NUS1: variants seen among roughly 807,000 people sequenced by gnomAD.
The protein encoded by NUS1 is dehydrodolichyl diphosphate synthase complex subunit NUS1.
For synonymous variants in NUS1, 135 were observed against 155.2 expected (o/e 0.87, Z 0.97); for missense variants, 292 against 382.9 (o/e 0.76, Z 1.98).
At chr6:117,689,548 T>G (rs1177372122) in intron 1 of NUS1, among the ~76,000 whole-genome samples, 1 of 151,426 alleles carries the variant, frequency 6.6e-6, no homozygotes, top group Non-Finnish European at 1.5e-5. Context: ...CATTTTTTTT[T>G]GTTTTGTTTT....
Position 117,682,302 on chromosome 6 carries a change from T to C in NUS1, c.415+6217T>C, listed in dbSNP as rs191834473. On this transcript the variant is annotated intron_variant, in intron 1 of 4. Coordinates refer to ENST00000368494, the MANE Select transcript of NUS1 (RefSeq NM_138459.5). Reference sequence around the variant, plus strand: ...GTTTAACTATAGTACTGGATCTGTGTATTAAAGTAAACCTTTGCTGAGTGT... The same window carrying C: ...GTTTAACTATAGTACTGGATCTGTGCATTAAAGTAAACCTTTGCTGAGTGT... Among the ~76,000 whole-genome samples the C allele has an allele frequency of 2.3e-3, 352 of 152,318 alleles. 3 individuals are homozygous for C. The highest frequency in any genetic ancestry group is 8.2e-3 in the African/African-American group (340 of 41,570).
At chr6:117,679,855 A>C (rs1003544583) in intron 1 of NUS1, among the ~76,000 whole-genome samples, 1 of 152,198 alleles carries the variant, frequency 6.6e-6, no homozygotes, top group Non-Finnish European at 1.5e-5. Context: ...TGCATCAAGA[A>C]AGTGGAGAAA....
Position 117,675,619 on chromosome 6 carries a change from G to C in NUS1, c.-52G>C. ...CCGCAGGGGCGGATAAAAAGCCGTC[G>C]CGCTGCGGGAGTGGGCGGGAGGGAG... On this transcript the variant is annotated 5_prime_UTR_variant, in exon 1 of 5. Coordinates refer to ENST00000368494, the MANE Select transcript of NUS1 (RefSeq NM_138459.5). The C allele has an allele frequency of 1.4e-6, 2 of 1,394,404 alleles. No homozygotes were observed. The highest frequency in any genetic ancestry group is 1.9e-6 in the Non-Finnish European group (2 of 1,028,012). The allele number at this position is 1,394,404 out of a possible 1,614,324, so 86.4% of individuals were successfully genotyped here.
Position 117,708,125 on chromosome 6 carries a change from G to C in NUS1, c.*1110G>C, listed in dbSNP as rs1170867086. On this transcript the variant is annotated 3_prime_UTR_variant, in exon 5 of 5. Coordinates refer to ENST00000368494, the MANE Select transcript of NUS1 (RefSeq NM_138459.5). ...TACTCAGTAAATCCTGATGGTTACT[G>C]TGTGTAAAATATCTTTAAGTAGGAT... 1 of 152,518 alleles carries C rather than the reference G, an allele frequency of 6.6e-6. No homozygotes were observed. Among genetic ancestry groups the C allele is most frequent in the African/African-American group, 2.4e-5 (1 of 41,474 alleles). The allele number at this position is 152,518 out of a possible 1,614,324, so 9.4% of individuals were successfully genotyped here.
At chr6:117,701,210 T>C (rs1773402739) in intron 3 of NUS1, among the ~76,000 whole-genome samples, 1 of 151,418 alleles carries the variant, frequency 6.6e-6, no homozygotes, top group South Asian at 2.1e-4. Flanking sequence ...TTCATGATCA[T>C]AGTATATTTC....
chr6:117,681,656 A>G (rs1437751937), intron 1 of NUS1, among the ~76,000 whole-genome samples: 9 of 152,224 alleles, frequency 5.9e-5, no homozygotes. Flanking sequence ...GACATACTGA[A>G]TAGTACAACC....
At chr6:117,693,991 GA>G (rs769002582) in intron 2 of NUS1, 39 bp from the exon 3 acceptor site, 2 of 1,586,806 alleles carry the variant, frequency 1.3e-6, no homozygotes, top group South Asian at 2.3e-5. Context: ...ATACCTGGAA[GA>G]GAGTGTTTTT....
intron 3 of NUS1, among the ~76,000 whole-genome samples, chr6:117,700,356 A>G (rs1773389417): frequency 6.6e-6 from 1 of 152,264 alleles, no homozygotes; most frequent in South Asian, 2.1e-4. Context: ...TCTCAAAAGA[A>G]TACATACAGA....
intron 1 of NUS1, among the ~76,000 whole-genome samples, chr6:117,691,112 T>C (rs1441040460): frequency 6.6e-5 from 10 of 152,128 alleles, no homozygotes; most frequent in Admixed American, 1.3e-4. Context: ...AAATCCTTTT[T>C]CCCCTCATCG....
intron 1 of NUS1, among the ~76,000 whole-genome samples, chr6:117,679,327 T>C (rs1773028648): frequency 6.6e-6 from 1 of 152,158 alleles, no homozygotes; most frequent in East Asian, 1.9e-4. Context: ...TGTGTGTGAA[T>C]GGGGATTTCC....
At chr6:117,679,532 G>C (rs1266146335) in intron 1 of NUS1, among the ~76,000 whole-genome samples, 1 of 152,200 alleles carries the variant, frequency 6.6e-6, no homozygotes. Flanking sequence ...TATTGACTTA[G>C]TTCAGTTGGG....
chr6:117,693,779 T>C (rs1411512162), intron 2 of NUS1, among the ~76,000 whole-genome samples: 1 of 152,214 alleles, frequency 6.6e-6, no homozygotes, highest in Non-Finnish European at 1.5e-5. Context: ...TCACAATGTA[T>C]AGTCATTCTG....
rs572493455 is a variant in NUS1, at chr6:117,709,290, T to C, written c.*2275T>C. The C allele has an allele frequency of 1.3e-5, 2 of 149,266 alleles. No individual in the cohort carries two copies. The highest frequency in any genetic ancestry group is 1.4e-4 in the Admixed American group (2 of 14,712). The allele number at this position is 149,266 out of a possible 1,614,324, so 9.2% of individuals were successfully genotyped here. On this transcript the variant is annotated 3_prime_UTR_variant, in exon 5 of 5. Transcript: ENST00000368494. ...TATTTGTATTGGAAAATACTGTCTT[T>C]AAATTGTTTCTTGTTGACACTCCCC...
In NUS1 at chr6:117,694,147, G is replaced by T; in HGVS notation, c.658G>T (p.Asp220Tyr). Residue 220 changes from aspartate (D) to tyrosine (Y), a missense_variant, in exon 3 of 5, where the codon GAT (aspartate) becomes TAT (tyrosine). Coordinates refer to ENST00000368494, the MANE Select transcript of NUS1 (RefSeq NM_138459.5). ...LVAQKQKRPTDLDVDTLASLL... is the reference protein window; with the variant it reads ...LVAQKQKRPTYLDVDTLASLL... ...AGCCCAGAAGCAAAAGAGACCCACA[G>T]ATTTGGATGTAGATACGTTAGCCAG... The T allele has an allele frequency of 6.2e-7, 1 of 1,610,294 alleles. No homozygotes were observed. The highest frequency in any genetic ancestry group is 8.5e-7 in the Non-Finnish European group (1 of 1,177,978).
At chr6:117,700,871 A>G (rs1048733236) in intron 3 of NUS1, among the ~76,000 whole-genome samples, 1 of 152,100 alleles carries the variant, frequency 6.6e-6, no homozygotes, top group Non-Finnish European at 1.5e-5. Flanking sequence ...CAAACATCAC[A>G]TGTTCTCACC....
At chr6:117,695,042 A>G (rs763199232) in intron 3 of NUS1, among the ~76,000 whole-genome samples, 3 of 151,920 alleles carry the variant, frequency 2.0e-5, no homozygotes, top group Non-Finnish European at 2.9e-5. Context: ...AAAAAATAAA[A>G]AATTAGCCAG....
chr6:117,709,661 A>T lies in NUS1; in HGVS notation c.*2646A>T, dbSNP rs1773549187. The T allele has an allele frequency of 1.3e-5, 2 of 152,402 alleles. No homozygotes were observed. Among genetic ancestry groups the T allele is most frequent in the Admixed American group, 1.3e-4 (2 of 15,264 alleles). The allele number at this position is 152,402 out of a possible 1,614,324, so 9.4% of individuals were successfully genotyped here. ...ATGGTACCATGCATAGAGTCAATCAAATCCTTGTGATGTTTTGTATGGACT... is the reference window on the plus strand; with the variant it reads ...ATGGTACCATGCATAGAGTCAATCATATCCTTGTGATGTTTTGTATGGACT... On this transcript the variant is annotated 3_prime_UTR_variant, in exon 5 of 5. Transcript: ENST00000368494.
At chr6:117,695,157 A>C (rs1298073463) in intron 3 of NUS1, among the ~76,000 whole-genome samples, 1 of 136,118 alleles carries the variant, frequency 7.3e-6, no homozygotes, top group African/African-American at 2.7e-5. Flanking sequence ...TCGCATCAGT[A>C]CACTCTAGCC....
chr6:117,685,616 T>C (rs1773125761), intron 1 of NUS1, among the ~76,000 whole-genome samples: 1 of 152,150 alleles, frequency 6.6e-6, no homozygotes, highest in Non-Finnish European at 1.5e-5. Flanking sequence ...CCTCCCAAAG[T>C]GTTTGGGATT....
Sources: allele counts gnomAD v4.1 joint callset (sites outside exome capture counted in the v4.1 genomes callset), GRCh38; gene constraint gnomAD v4.1.1; transcripts MANE v1.5; gene names NCBI Gene and HGNC (gene_info 2026-07-23, HGNC 2026-07-21).